The following PALLD variants were observed in gnomAD, a reference collection of about 807,000 sequenced individuals.
The protein encoded by PALLD is palladin, cytoskeletal associated protein, also known as palladin.
Under a neutral mutation model 123.5 loss-of-function variants are expected in PALLD, and 61 were observed. The ratio of observed to expected loss-of-function variants is 0.49; its 90% CI spans 0.40 to 0.61. The LOEUF is 0.61. PALLD is among the 20% of genes least tolerant of loss of function. The pLI, the probability that PALLD is intolerant of heterozygous loss-of-function variation, is 0.00. For missense variants in PALLD, 1,273 were observed against 1,377.0 expected (o/e 0.92, Z 1.20); for synonymous variants, 465 against 496.4 (o/e 0.94, Z 0.84).
At chr4:168,778,273 T>C (rs1735451110) in intron 10 of PALLD, among the ~76,000 whole-genome samples, 1 of 152,152 alleles carries the variant, frequency 6.6e-6, no homozygotes, top group Non-Finnish European at 1.5e-5. Context: ...GATGGACACT[T>C]TTGAGCAGAT....
chr4:168,634,683 T>C (rs568534220), intron 2 of PALLD, among the ~76,000 whole-genome samples: 1 of 152,278 alleles, frequency 6.6e-6, no homozygotes, highest in South Asian at 2.1e-4. Context: ...AGCCACCAAA[T>C]GATTTGCGGT....
chr4:168,850,509 T>A (rs999928627), intron 10 of PALLD, among the ~76,000 whole-genome samples: 3 of 143,910 alleles, frequency 2.1e-5, no homozygotes, highest in Non-Finnish European at 4.5e-5. Flanking sequence ...ATATAATTTG[T>A]AAGTCTGTCA....
In PALLD at chr4:168,699,529, C is replaced by CAA. The variant is rs5863954; in HGVS notation, c.1501+8250_1501+8251dup. ...GGATTTCTTTTTTAGGGACTTGGGACAAAAAAAAAAAAAACAGTTGCAAAG... is the reference window on the plus strand; with the variant it reads ...GGATTTCTTTTTTAGGGACTTGGGACAAAAAAAAAAAAAAAACAGTTGCAAAG... On this transcript the variant is annotated intron_variant, in intron 8 of 21. Transcript: ENST00000505667. Among the ~76,000 whole-genome samples, 3,204 of 107,238 alleles carry CAA rather than the reference C, an allele frequency of 0.03. 234 individuals are homozygous for CAA. The East Asian group carries it at 0.34, about 11-fold the overall frequency. The allele number at this position is 107,238 out of a possible 152,430, so 70.4% of individuals were successfully genotyped here.
chr4:168,794,003 C>T (rs543806198), intron 10 of PALLD, among the ~76,000 whole-genome samples: 1 of 152,316 alleles, frequency 6.6e-6, no homozygotes, highest in East Asian at 1.9e-4. Context: ...CAGGGTTGGC[C>T]TCCTCTCTGG....
At chr4:168,676,819 T>C (rs892485210) in intron 3 of PALLD, among the ~76,000 whole-genome samples, 1 of 151,844 alleles carries the variant, frequency 6.6e-6, no homozygotes, top group Non-Finnish European at 1.5e-5. Flanking sequence ...GACCTTGTGA[T>C]CCGCCCACCT....
chr4:168,792,769 T>G (rs1364634669), intron 10 of PALLD, among the ~76,000 whole-genome samples: 3 of 151,604 alleles, frequency 2.0e-5, no homozygotes, highest in Non-Finnish European at 4.4e-5. Context: ...TTTTTTTCTT[T>G]TTTTGTTTTT....
chr4:168,502,061 G>A (rs1761464806), intron 1 of PALLD, among the ~76,000 whole-genome samples: 1 of 152,322 alleles, frequency 6.6e-6, no homozygotes, highest in East Asian at 1.9e-4. Context: ...CTAGGACAGA[G>A]AATCTATCTT....
At chr4:168,847,141 G>T (rs1243576197) in intron 10 of PALLD, among the ~76,000 whole-genome samples, 5 of 152,052 alleles carry the variant, frequency 3.3e-5, no homozygotes, top group Non-Finnish European at 5.9e-5. Flanking sequence ...GAACTTTTTT[G>T]AGGGCAATTT....
intron 2 of PALLD, among the ~76,000 whole-genome samples, chr4:168,589,974 G>A (rs954260663): frequency 5.9e-5 from 9 of 152,188 alleles, no homozygotes; most frequent in African/African-American, 1.9e-4. Flanking sequence ...AATGTCACAT[G>A]GTGGAAGAAT....
At chr4:168,529,870 T>C (rs1260688713) in intron 2 of PALLD, among the ~76,000 whole-genome samples, 1 of 152,238 alleles carries the variant, frequency 6.6e-6, no homozygotes, top group African/African-American at 2.4e-5. Context: ...TATACCTTCT[T>C]CACCTAAAAT....
intron 10 of PALLD, among the ~76,000 whole-genome samples, chr4:168,861,500 AT>A (rs1353786967): frequency 6.6e-6 from 1 of 152,036 alleles, no homozygotes; most frequent in Non-Finnish European, 1.5e-5. Context: ...GAGGTTTTTA[AT>A]TTTGATGAAG....
chr4:168,524,512 AT>A (rs1012431747), intron 2 of PALLD, among the ~76,000 whole-genome samples: 1 of 152,046 alleles, frequency 6.6e-6, no homozygotes, highest in African/African-American at 2.4e-5. Flanking sequence ...GGCACATGAG[AT>A]TTTTTTGATA....
chr4:168,810,536 A>G (rs895818859), intron 10 of PALLD, among the ~76,000 whole-genome samples: 2 of 152,238 alleles, frequency 1.3e-5, no homozygotes, highest in Admixed American at 6.5e-5. Context: ...GGCACCTGTA[A>G]TCCCAGCTAC....
At chr4:168,839,917 A>G (rs1745797528) in intron 10 of PALLD, among the ~76,000 whole-genome samples, 1 of 152,218 alleles carries the variant, frequency 6.6e-6, no homozygotes, top group African/African-American at 2.4e-5. Flanking sequence ...TCATTTGACT[A>G]GGCTCTGCTA....
intron 10 of PALLD, among the ~76,000 whole-genome samples, chr4:168,770,849 A>G (rs944833017): frequency 6.6e-6 from 1 of 152,188 alleles, no homozygotes; most frequent in African/African-American, 2.4e-5. Context: ...ACTTAAGGCC[A>G]GGAGTTCAAG....
chr4:168,708,120 T>A (rs1188207022), intron 8 of PALLD, among the ~76,000 whole-genome samples: 1 of 152,232 alleles, frequency 6.6e-6, no homozygotes, highest in Non-Finnish European at 1.5e-5. Context: ...TTAACCTTAT[T>A]GTGCTTCCAT....
intron 3 of PALLD, among the ~76,000 whole-genome samples, chr4:168,668,629 T>A (rs1223966780): frequency 1.3e-5 from 2 of 152,250 alleles, no homozygotes; most frequent in African/African-American, 2.4e-5. Context: ...ATGTAAGGTA[T>A]CCAAATTATT....
At chr4:168,625,502 G>GATAGATATATATATAGATATAT in intron 2 of PALLD, among the ~76,000 whole-genome samples, 1 of 114,430 alleles carries the variant, frequency 8.7e-6, no homozygotes, top group Non-Finnish European at 1.8e-5. Flanking sequence ...ATATCCAGGA[G>GATAGATATATATATAGATATAT]ATATATATAT....
intron 10 of PALLD, among the ~76,000 whole-genome samples, chr4:168,718,774 A>G (rs1581133419): frequency 6.6e-6 from 1 of 152,274 alleles, no homozygotes; most frequent in East Asian, 1.9e-4. Context: ...ACTGTTCTGC[A>G]CCATGCCTTT....
Sources: gnomAD v4.1 joint callset for allele counts (sites outside exome capture counted in the v4.1 genomes callset) on GRCh38, gnomAD v4.1.1 for gene constraint, MANE v1.5 for transcripts, NCBI Gene and HGNC (gene_info 2026-07-23, HGNC 2026-07-21) for gene names.